Variants in YTHDC1 observed in about 807,000 individuals in gnomAD.
YTHDC1 encodes YTH domain-containing protein 1.
YTHDC1 carries 12 observed loss-of-function variants against 107.0 expected under a neutral mutation model. That is an observed-to-expected ratio of 0.11 (90% confidence interval 0.07 to 0.18). The LOEUF (loss-of-function observed/expected upper bound fraction) is 0.18, where lower values mean the gene tolerates loss of function less well. YTHDC1 is among the 10% of genes least tolerant of loss of function. YTHDC1 has a pLI of 1.00. For missense variants in YTHDC1, 635 were observed against 898.8 expected (o/e 0.71, Z 3.75); for synonymous variants, 280 against 289.5 (o/e 0.97, Z 0.33).
intron 10 of YTHDC1, among the ~76,000 whole-genome samples, chr4:68,323,884 T>C (rs1722698974): frequency 6.6e-6 from 1 of 152,212 alleles, no homozygotes; most frequent in African/African-American, 2.4e-5. Context: ...CAAATTTAAA[T>C]CTGGCAAATT....
At position 68,316,723 on chromosome 4, in the gene YTHDC1, T is replaced by G. The variant is rs561203637; in HGVS notation, c.1825-275A>C. Among the ~76,000 whole-genome samples, 5 of 152,346 alleles carry G rather than the reference T, an allele frequency of 3.3e-5. No homozygotes were observed. The East Asian group carries it at 9.6e-4, about 29-fold the overall frequency. On this transcript the variant is annotated intron_variant, in intron 15 of 16. Transcript: ENST00000344157. Reference sequence around the variant, plus strand: ...GCTTACTGTGAGCCAGGCATTGTTCTAAGCACTTTACTAGTCTCATTTAAT... The same window carrying G: ...GCTTACTGTGAGCCAGGCATTGTTCGAAGCACTTTACTAGTCTCATTTAAT...
chr4:68,334,679 A>T (rs919017175), intron 4 of YTHDC1, among the ~76,000 whole-genome samples: 13 of 152,122 alleles, frequency 8.5e-5, no homozygotes, highest in African/African-American at 3.1e-4. Context: ...CATCTGACTG[A>T]GTGTAATTTA....
intron 9 of YTHDC1, among the ~76,000 whole-genome samples, chr4:68,328,567 A>C (rs766707258): frequency 6.6e-6 from 1 of 152,178 alleles, no homozygotes; most frequent in Non-Finnish European, 1.5e-5. Flanking sequence ...GTGCACAATT[A>C]CTTCCACATA....
At position 68,316,371 on chromosome 4, in the gene YTHDC1, G is replaced by C; in HGVS notation, c.1902C>G (p.Pro634=). ...QHHAPPPQAH[P]PYSGHHPVPH... ...GTACTGGATGATGTCCTGAGTAAGG[G>C]GGATGAGCTTGAGGAGGTGGAGCAT... The change falls in exon 16 of 17, where the codon CCC becomes CCG. Residue 634 remains proline, a synonymous_variant. Coordinates refer to ENST00000344157, the MANE Select transcript of YTHDC1 (RefSeq NM_001031732.4). 6.2e-7 allele frequency: 1 copy of C among 1,614,040 alleles called. No homozygotes were observed.
At position 68,349,953 on chromosome 4, in the gene YTHDC1, C is replaced by A; in HGVS notation, c.-200G>T. ...TTCTCCCTTCCTTTCACTCCAGCATCCAGCGGCCTAGGCCCAGCCTTCTCG... is the reference window on the plus strand; with the variant it reads ...TTCTCCCTTCCTTTCACTCCAGCATACAGCGGCCTAGGCCCAGCCTTCTCG... On this transcript the variant is annotated 5_prime_UTR_variant, in exon 1 of 17. Coordinates refer to ENST00000344157, the MANE Select transcript of YTHDC1 (RefSeq NM_001031732.4). The A allele has an allele frequency of 2.7e-6, 2 of 731,728 alleles. No individual in the cohort carries two copies. Among genetic ancestry groups the A allele is most frequent in the Non-Finnish European group, 4.5e-6 (2 of 442,634 alleles). 45.3% of individuals were successfully genotyped at this position (731,728 alleles called of 1,614,324 possible). A position where few individuals can be genotyped will look rare whatever the true frequency, so the allele number is the denominator to read the frequency against.
chr4:68,331,483 C>T (rs1361821760), intron 7 of YTHDC1, among the ~76,000 whole-genome samples: 2 of 152,086 alleles, frequency 1.3e-5, no homozygotes, highest in African/African-American at 2.4e-5. Context: ...ACTGTAGTTA[C>T]TCAGTTTAAA....
rs1039415342 is a variant in YTHDC1, at chr4:68,322,542, G to T, written c.1601+207C>A. 5.3e-6 allele frequency: 3 copies of T among 564,076 alleles called. No homozygotes were observed. The highest frequency in any genetic ancestry group is 3.2e-5 in the Admixed American group (1 of 31,516). The allele number at this position is 564,076 out of a possible 1,614,324, so 34.9% of individuals were successfully genotyped here. A position where few individuals can be genotyped will look rare whatever the true frequency, so the allele number is the denominator to read the frequency against. ...CTGGTTATACTTTTTTCTGCATAAG[G>T]AAAGATCCCCATTTTCCTCTTGAAA... On this transcript the variant is annotated intron_variant, in intron 11 of 16. Transcript: ENST00000344157. The surrounding 1 kb of genome is among the most constrained non-coding windows in gnomAD (Gnocchi z 4.8).
rs1013700965 is a variant in YTHDC1, at chr4:68,314,448, A to G, written c.1960-125T>C. Reference sequence around the variant, plus strand: ...ATAAAAAAAGAAAAGTCTCTGTATTATAATCGGCGGAGAGAACAATCCAAA... The same window carrying G: ...ATAAAAAAAGAAAAGTCTCTGTATTGTAATCGGCGGAGAGAACAATCCAAA... On this transcript the variant is annotated intron_variant, in intron 16 of 16. Coordinates refer to ENST00000344157, the MANE Select transcript of YTHDC1 (RefSeq NM_001031732.4). The G allele has an allele frequency of 3.8e-6, 3 of 780,756 alleles. No homozygotes were observed. In the African/African-American group the frequency reaches 5.2e-5, roughly 14 times the overall value. The allele number at this position is 780,756 out of a possible 1,614,324, so 48.4% of individuals were successfully genotyped here.
At position 68,337,637 on chromosome 4, in the gene YTHDC1, T is replaced by C. The variant is rs1228313163; in HGVS notation, c.394A>G (p.Lys132Glu). 6.2e-7 allele frequency: 1 copy of C among 1,613,818 alleles called. No individual in the cohort carries two copies. The highest frequency in any genetic ancestry group is 1.1e-5 in the South Asian group (1 of 90,998). The change falls in exon 3 of 17, where the codon AAA becomes GAA. Residue 132 changes from lysine (K) to glutamate (E), a missense_variant. Lys to Glu is a moderately conservative substitution (Grantham distance 56). Around this residue, in one of 5 missense-constraint regions of YTHDC1, gnomAD observed 294 missense variants for 312.3 expected, o/e 0.94. Transcript: ENST00000344157. ...GGATCCCTTTTCCGGACACAGGTTTTTTCAGGTTGATTCTTATAAGGTTCT... is the reference window on the plus strand; with the variant it reads ...GGATCCCTTTTCCGGACACAGGTTTCTTCAGGTTGATTCTTATAAGGTTCT... ...SREPYKNQPE[K>E]TCVRKRDPER... is the part of the protein sequence containing the mutation.
chr4:68,321,191 A>AT, intron 11 of YTHDC1, among the ~76,000 whole-genome samples: 1 of 152,226 alleles, frequency 6.6e-6, no homozygotes, highest in South Asian at 2.1e-4. Context: ...ACAACCTAGC[A>AT]TTCACTAGTT....
At chr4:68,348,637 C>T (rs1175996778) in intron 1 of YTHDC1, among the ~76,000 whole-genome samples, 1 of 152,068 alleles carries the variant, frequency 6.6e-6, no homozygotes, top group Admixed American at 6.5e-5. Context: ...TAACCTAGGG[C>T]AGTTCATTGA....
At chr4:68,327,113 G>A (rs1240443603) in intron 9 of YTHDC1, among the ~76,000 whole-genome samples, 1 of 151,852 alleles carries the variant, frequency 6.6e-6, no homozygotes, top group African/African-American at 2.4e-5. Context: ...GCACATGCCT[G>A]TAATCCCAGC....
rs897939169 is a variant in YTHDC1, at chr4:68,314,152, G to A, written c.2131C>T (p.Arg711Ter). The change falls in exon 17 of 17, where the codon CGA becomes TGA. Residue 711 changes from arginine to a stop codon, truncating the protein, a stop_gained. Transcript: ENST00000344157. LOFTEE classifies it high-confidence loss of function. ...RGRDRERERE[R>*]LCDRDRDRGE... is the part of the protein sequence containing the mutation. Reference sequence around the variant, plus strand: ...CGGTCTCTGTCTCGATCACATAATCGCTCTCTTTCTCTTTCTCTATCACGT... The same window carrying A: ...CGGTCTCTGTCTCGATCACATAATCACTCTCTTTCTCTTTCTCTATCACGT... 3 of 1,613,270 alleles carry A rather than the reference G, an allele frequency of 1.9e-6. No individual in the cohort carries two copies. Among genetic ancestry groups the A allele is most frequent in the Admixed American group, 1.7e-5 (1 of 59,894 alleles).
intron 1 of YTHDC1, 98 bp from the exon 2 acceptor site, chr4:68,338,482 T>A: frequency 1.4e-6 from 1 of 740,166 alleles, no homozygotes; most frequent in Non-Finnish European, 2.1e-6. Flanking sequence ...GCCTAGGAGC[T>A]TTTACTTTTA....
rs545973821 is a variant in YTHDC1, at chr4:68,327,185, G to A, written c.1349+2817C>T. Among the ~76,000 whole-genome samples the A allele has an allele frequency of 3.7e-4, 57 of 152,034 alleles. No individual in the cohort carries two copies. The East Asian group carries it at 4.5e-3, about 12-fold the overall frequency. On this transcript the variant is annotated intron_variant, in intron 9 of 16. Transcript: ENST00000344157. ...CGGGAGGCGGAAGTTGTGGTGAGCC[G>A]AGATTGCGCCATTGCACTCTAGCCT...
In YTHDC1 at chr4:68,339,483, A is replaced by C. The variant is rs141544469; in HGVS notation, c.29-1099T>G. Among the ~76,000 whole-genome samples, 14 of 152,358 alleles carry C rather than the reference A, an allele frequency of 9.2e-5. No individual in the cohort carries two copies. In the East Asian group the frequency reaches 2.7e-3, roughly 29 times the overall value. On this transcript the variant is annotated intron_variant, in intron 1 of 16. Coordinates refer to ENST00000344157, the MANE Select transcript of YTHDC1 (RefSeq NM_001031732.4). ...AGTAAGTAGCAATGTTATTTTTCTA[A>C]TTTTGACTGTACTATGGTTAAGTCA...
chr4:68,346,126 T>C (rs970937630), intron 1 of YTHDC1, among the ~76,000 whole-genome samples: 1 of 148,734 alleles, frequency 6.7e-6, no homozygotes, highest in African/African-American at 2.5e-5. Flanking sequence ...TGTAACCGTC[T>C]GTATAACGGC....
At chr4:68,333,909 T>C (rs1177952618) in intron 4 of YTHDC1, among the ~76,000 whole-genome samples, 1 of 152,178 alleles carries the variant, frequency 6.6e-6, no homozygotes, top group Non-Finnish European at 1.5e-5. Flanking sequence ...TCCCTTCTGG[T>C]TGCCATTGCT....
chr4:68,328,463 T>C (rs1723224992), intron 9 of YTHDC1, among the ~76,000 whole-genome samples: 1 of 152,152 alleles, frequency 6.6e-6, no homozygotes, highest in Admixed American at 6.5e-5. Flanking sequence ...AGAGAGGAAG[T>C]GGGAGAAAGC....
Sources: allele counts gnomAD v4.1 joint callset (sites outside exome capture counted in the v4.1 genomes callset), GRCh38; gene constraint gnomAD v4.1.1; regional missense constraint gnomAD v4.1.1; non-coding constraint Gnocchi (gnomAD v3.1); transcripts MANE v1.5; gene names NCBI Gene and HGNC (gene_info 2026-07-23, HGNC 2026-07-21).